PLS3: variants seen among roughly 807,000 people sequenced by gnomAD.
PLS3 encodes plastin 3, also known as plastin-3.
A neutral mutation model predicts 46.5 loss-of-function variants in PLS3; 11 were observed. The ratio of observed to expected loss-of-function variants is 0.24; its 90% CI spans 0.15 to 0.39. The LOEUF (loss-of-function observed/expected upper bound fraction) is 0.39. PLS3 is among the 10% of genes least tolerant of loss of function. PLS3 has a pLI of 1.00. For synonymous variants in PLS3, 167 were observed against 162.2 expected (o/e 1.03, Z -0.22); for missense variants, 308 against 461.8 (o/e 0.67, Z 3.05).
chrX:115,647,305 C>T (rs782244717), intron 13 of PLS3, among the ~76,000 whole-genome samples: 3 of 111,045 alleles, frequency 2.7e-5, no homozygotes, highest in African/African-American at 9.8e-5. Context: ...TGGTGGTGGG[C>T]ACCTGTAGTC....
At chrX:115,605,251 T>C (rs2074479504) in intron 1 of PLS3, among the ~76,000 whole-genome samples, 1 of 111,990 alleles carries the variant, frequency 8.9e-6, no homozygotes, top group Admixed American at 9.6e-5. Flanking sequence ...TTTGTTCTCA[T>C]TGAAGTGTAT....
intron 2 of PLS3, among the ~76,000 whole-genome samples, chrX:115,620,845 C>A (rs1305261884): frequency 9.5e-6 from 1 of 104,863 alleles, no homozygotes; most frequent in Non-Finnish European, 2.0e-5. Flanking sequence ...AGGCGCCCAC[C>A]ACCATACCCA....
chrX:115,582,125 T>C, intron 1 of PLS3, among the ~76,000 whole-genome samples: 1 of 112,546 alleles, frequency 8.9e-6, no homozygotes, highest in East Asian at 2.8e-4. Flanking sequence ...TGAAAGACTT[T>C]TAAAAGCTCA....
chrX:115,628,327 C>A (rs1241244059), intron 3 of PLS3, among the ~76,000 whole-genome samples: 3 of 112,346 alleles, frequency 2.7e-5, no homozygotes, highest in Non-Finnish European at 5.6e-5. Context: ...TCCATTAAGT[C>A]TTAAGTTTTC....
chrX:115,602,028 T>C (rs1466101711), intron 1 of PLS3, among the ~76,000 whole-genome samples: 1 of 111,693 alleles, frequency 9.0e-6, no homozygotes, highest in Non-Finnish European at 1.9e-5. Flanking sequence ...CCCTTACCAG[T>C]GATGTCTCTC....
chrX:115,582,099 A>T, intron 1 of PLS3, among the ~76,000 whole-genome samples: 1 of 112,258 alleles, frequency 8.9e-6, no homozygotes, highest in Non-Finnish European at 1.9e-5. Context: ...TGTATTTTTA[A>T]ATTTATTTTG....
At chrX:115,629,079 A>G (rs897928964) in intron 3 of PLS3, 119 bp from the exon 4 acceptor site, 1 of 502,532 alleles carries the variant, frequency 2.0e-6, no homozygotes, top group Admixed American at 4.3e-5. Flanking sequence ...AGTTTTTTGT[A>G]TCTTTTAACA....
chrX:115,561,373 A>G (rs2074133147), intron 1 of PLS3, 113 bp downstream of exon 1: 2 of 109,759 alleles, frequency 1.8e-5, no homozygotes, highest in Admixed American at 1.9e-4. Context: ...CGTGCGGCGC[A>G]CCGTGGGGCG....
At position 115,576,711 on chromosome X, in the gene PLS3, T is replaced by TA. The variant is rs782138741; in HGVS notation, c.-9+15452dup. ...TTTTGGGATCCAGTCTCCTTACTCTTATGGGCAGGCGGAACCTTGCAGATC... is the reference window on the plus strand; with the variant it reads ...TTTTGGGATCCAGTCTCCTTACTCTTAATGGGCAGGCGGAACCTTGCAGATC... On this transcript the variant is annotated intron_variant, in intron 1 of 15. Coordinates refer to ENST00000355899, the MANE Select transcript of PLS3 (RefSeq NM_005032.7). Among the ~76,000 whole-genome samples the TA allele has an allele frequency of 3.6e-5, 4 of 111,566 alleles. No homozygotes were observed. The East Asian group carries it at 1.1e-3, about 31-fold the overall frequency.
chrX:115,598,440 A>G (rs1287786717), intron 1 of PLS3, among the ~76,000 whole-genome samples: 1 of 111,144 alleles, frequency 9.0e-6, no homozygotes, highest in African/African-American at 3.3e-5. Flanking sequence ...GACACACGTG[A>G]GGGCATTTAG....
At chrX:115,588,785 T>G (rs1216441196) in intron 1 of PLS3, among the ~76,000 whole-genome samples, 4 of 111,274 alleles carry the variant, frequency 3.6e-5, no homozygotes, top group Non-Finnish European at 7.5e-5. Flanking sequence ...ACCCTCAGGA[T>G]AGAAAATTGT....
chrX:115,563,378 A>C, intron 1 of PLS3, among the ~76,000 whole-genome samples: 1 of 111,620 alleles, frequency 9.0e-6, no homozygotes, highest in Non-Finnish European at 1.9e-5. Context: ...TTGGTAGAAT[A>C]ATGAGAGGAC....
chrX:115,572,246 TG>T (rs2074220960), intron 1 of PLS3, among the ~76,000 whole-genome samples: 1 of 111,388 alleles, frequency 9.0e-6, no homozygotes, highest in African/African-American at 3.3e-5. Flanking sequence ...CTAAGCACTT[TG>T]GGAGGCTGAG....
At chrX:115,634,387 G>A (rs1042612401) in intron 6 of PLS3, among the ~76,000 whole-genome samples, 2 of 111,908 alleles carry the variant, frequency 1.8e-5, no homozygotes, top group Non-Finnish European at 3.8e-5. Flanking sequence ...ATTAACTGGC[G>A]TGCTTAAGAA....
At chrX:115,597,579 C>T (rs782007187) in intron 1 of PLS3, among the ~76,000 whole-genome samples, 3 of 112,050 alleles carry the variant, frequency 2.7e-5, no homozygotes, top group Non-Finnish European at 5.6e-5. Context: ...CATATTTTGT[C>T]ATGGAAATAG....
Position 115,647,587 on chromosome X carries a change from C to G in PLS3, c.1549C>G (p.Gln517Glu). 9 of 1,202,738 alleles carry G rather than the reference C, an allele frequency of 7.5e-6. No homozygotes were observed. Among genetic ancestry groups the G allele is most frequent in the Non-Finnish European group, 1.0e-5 (9 of 887,289 alleles). The change falls in exon 14 of 16, where the codon CAG (glutamine) becomes GAG (glutamate). Residue 517 changes from glutamine (Q) to glutamate (E), a missense_variant. Physicochemically the swap from Gln to Glu is conservative, Grantham distance 29. Coordinates refer to ENST00000355899, the MANE Select transcript of PLS3 (RefSeq NM_005032.7). ...TGTCCTGGAAGATCTTGGAGATGGT[C>G]AGAAAGCCAATGACGACATCATTGT... Reference protein sequence around the residue: ...LNVLEDLGDGQKANDDIIVNW... With the variant: ...LNVLEDLGDGEKANDDIIVNW...
intron 2 of PLS3, chrX:115,610,959 T>C: frequency 1.5e-6 from 1 of 682,462 alleles, no homozygotes; most frequent in Middle Eastern, 2.9e-4. Flanking sequence ...TTTTAGTGCT[T>C]GGGTCAAGTC....
intron 1 of PLS3, among the ~76,000 whole-genome samples, chrX:115,603,565 T>C (rs947587956): frequency 9.0e-6 from 1 of 111,535 alleles, no homozygotes; most frequent in Non-Finnish European, 1.9e-5. Flanking sequence ...AAAATATATC[T>C]CTATTTCTTT....
chrX:115,571,732 G>A (rs1246769581), intron 1 of PLS3, among the ~76,000 whole-genome samples: 1 of 111,812 alleles, frequency 8.9e-6, no homozygotes, highest in Non-Finnish European at 1.9e-5. Flanking sequence ...GGAAAAAAAA[G>A]TAGGGGCAAA....
Sources: gnomAD v4.1 joint callset for allele counts (sites outside exome capture counted in the v4.1 genomes callset) on GRCh38, gnomAD v4.1.1 for gene constraint, MANE v1.5 for transcripts, NCBI Gene and HGNC (gene_info 2026-07-23, HGNC 2026-07-21) for gene names.